RACGAP1: variants seen among roughly 807,000 people sequenced by gnomAD.
The protein encoded by RACGAP1 is Rac GTPase activating protein 1.
In RACGAP1, 30 loss-of-function variants were observed where a neutral mutation model predicts 78.1. That is an observed-to-expected ratio of 0.38 (90% confidence interval 0.29 to 0.52). The LOEUF (loss-of-function observed/expected upper bound fraction) is 0.52. RACGAP1 is among the 20% of genes least tolerant of loss of function. The probability of loss-of-function intolerance (pLI) is 0.82; values close to 1 mark genes in which losing one functional copy is unlikely to be tolerated. For missense variants in RACGAP1, 587 were observed against 777.1 expected (o/e 0.76, Z 2.91); for synonymous variants, 231 against 264.8 (o/e 0.87, Z 1.24).
intron 1 of RACGAP1, 104 bp downstream of exon 1, chr12:50,025,294 G>A: frequency 1.0e-6 from 1 of 985,112 alleles, no homozygotes; most frequent in Non-Finnish European, 1.2e-6. Context: ...CCGCTGTCCC[G>A]CTGTCCCGGA....
chr12:49,992,302 A>G lies in RACGAP1; in HGVS notation c.1521T>C (p.His507=), dbSNP rs779437064. 1.2e-6 allele frequency: 2 copies of G among 1,614,210 alleles called. No homozygotes were observed. The highest frequency in any genetic ancestry group is 1.7e-6 in the Non-Finnish European group (2 of 1,180,024). Residue 507 remains histidine, a synonymous_variant, in exon 14 of 17, where the codon CAT becomes CAC. Coordinates refer to ENST00000312377, the MANE Select transcript of RACGAP1 (RefSeq NM_001319999.2). Reference sequence around the variant, plus strand: ...TCACTGGGTCTGGATTGGGCACAGCATGGGCCACTATTGTAGGGCCAAAGA... The same window carrying G: ...TCACTGGGTCTGGATTGGGCACAGCGTGGGCCACTATTGTAGGGCCAAAGA... The part of the protein sequence containing the change: ...AKVFGPTIVA[H]AVPNPDPVTM...
chr12:50,019,432 A>G (rs1032120859), intron 1 of RACGAP1, among the ~76,000 whole-genome samples: 2 of 152,218 alleles, frequency 1.3e-5, no homozygotes, highest in African/African-American at 2.4e-5. Context: ...AAAAAAATTG[A>G]TAAGTGTTAA....
rs150860055 is a variant in RACGAP1, at chr12:50,001,251, C to T, written c.551G>A (p.Arg184His). 92 of 1,605,962 alleles carry T rather than the reference C, an allele frequency of 5.7e-5. No individual in the cohort carries two copies. In the African/African-American group the frequency reaches 1.0e-3, roughly 18 times the overall value. Reference protein sequence around the residue: ...TFKLKKREKRRSTSRQFVDGP... With the variant: ...TFKLKKREKRHSTSRQFVDGP... The stretch of plus-strand genomic sequence containing the variant: ...ATCAACAAACTGTCGGCTAGTAGAG[C>T]GCTAGAAAGGAGACAAAGACCCGTA... The change falls in exon 7 of 17, where the codon CGC becomes CAC. Residue 184 changes from arginine (R) to histidine (H), a missense_variant and splice_region_variant. Coordinates refer to ENST00000312377, the MANE Select transcript of RACGAP1 (RefSeq NM_001319999.2).
In RACGAP1 at chr12:49,998,360, C is replaced by T. The variant is rs1198388444; in HGVS notation, c.879+781G>A. On this transcript the variant is annotated intron_variant, in intron 9 of 16. Transcript: ENST00000312377. ...CAGAGGTTGCAGTGAGCCGAAATCG[C>T]ACCACTGCACTCCAGCCTGGGCAAC... 2.6e-5 allele frequency among the ~76,000 whole-genome samples: 4 copies of T among 151,840 alleles called. No individual in the cohort carries two copies. In the East Asian group the frequency reaches 7.8e-4, roughly 30 times the overall value.
intron 1 of RACGAP1, among the ~76,000 whole-genome samples, chr12:50,023,527 A>T (rs1043557102): frequency 6.6e-6 from 1 of 152,220 alleles, no homozygotes; most frequent in Non-Finnish European, 1.5e-5. Context: ...TGAGGCCAGA[A>T]GTTCAAGACC....
chr12:50,031,478 CAAAAAAAA>C (rs56229939), intron 2 of RACGAP1, among the ~76,000 whole-genome samples: 1 of 71,896 alleles, frequency 1.4e-5, no homozygotes, highest in African/African-American at 4.8e-5. Context: ...GACTCCATCT[CAAAAAAAA>C]AAAAAAAAAA....
In RACGAP1 at chr12:50,006,459, C is replaced by A; in HGVS notation, c.263G>T (p.Arg88Ile). 2 of 1,614,176 alleles carry A rather than the reference C, an allele frequency of 1.2e-6. No individual in the cohort carries two copies. The highest frequency in any genetic ancestry group is 1.7e-6 in the Non-Finnish European group (2 of 1,180,026). Residue 88 changes from arginine (R) to isoleucine (I), a missense_variant, in exon 3 of 17, where the codon AGA becomes ATA. Transcript: ENST00000312377. ...CAGCTTTTCGCAGTCAGCCTCAGCT[C>A]TCTGTCTCCGTTTGATCTCTACATC... is the stretch of plus-strand genomic sequence containing the variant. The part of the protein sequence containing the change: ...QVDVEIKRRQ[R>I]AEADCEKLER...
At chr12:50,025,583 G>A (rs989592626), upstream of RACGAP1, 25 of 975,806 alleles carry the variant, frequency 2.6e-5, no homozygotes, top group African/African-American at 2.5e-4. Flanking sequence ...GGAGGTGACG[G>A]GAACGGGAAT....
upstream of RACGAP1, among the ~76,000 whole-genome samples, chr12:50,026,133 A>G (rs911150262): frequency 2.0e-5 from 3 of 152,266 alleles, no homozygotes; most frequent in African/African-American, 7.2e-5. Context: ...AGGAGCTTTC[A>G]TGCTTTTTAA....
upstream of RACGAP1, among the ~76,000 whole-genome samples, chr12:50,027,934 G>A (rs1321898422): frequency 1.3e-5 from 2 of 152,184 alleles, no homozygotes; most frequent in Admixed American, 6.6e-5. Context: ...GGTTAAGTGA[G>A]TGTGATGCTT....
chr12:50,009,242 C>CAAAAAA (rs397751749), intron 2 of RACGAP1, among the ~76,000 whole-genome samples: 5 of 65,256 alleles, frequency 7.7e-5, no homozygotes, highest in African/African-American at 1.5e-4. Flanking sequence ...GATGCTGTCT[C>CAAAAAA]AAAAAAAAAA....
At chr12:50,000,447 G>A (rs753405378) in intron 7 of RACGAP1, among the ~76,000 whole-genome samples, 25 of 151,894 alleles carry the variant, frequency 1.6e-4, no homozygotes, top group African/African-American at 5.3e-4. Flanking sequence ...GAGCCACCAC[G>A]CCTGACCTGA....
chr12:50,003,250 T>A (rs1264005306), intron 5 of RACGAP1, among the ~76,000 whole-genome samples: 3 of 152,190 alleles, frequency 2.0e-5, no homozygotes, highest in Non-Finnish European at 4.4e-5. Context: ...GCTAAATAAA[T>A]TTAACTTCCC....
chr12:50,003,551 A>T (rs567340249), intron 5 of RACGAP1, among the ~76,000 whole-genome samples: 1 of 152,314 alleles, frequency 6.6e-6, no homozygotes, highest in South Asian at 2.1e-4. Context: ...AGTCACCAAA[A>T]ACTTCCTGAT....
In RACGAP1 at chr12:50,025,404, C is replaced by A. The variant is rs1037184367; in HGVS notation, c.-11G>T. On this transcript the variant is annotated 5_prime_UTR_variant, in exon 1 of 17. Coordinates refer to ENST00000312377, the MANE Select transcript of RACGAP1 (RefSeq NM_001319999.2). Reference sequence around the variant, plus strand: ...TGGCACCCCCACTACTCACTTCAGTCAGCCTGGCCCCACCTGGGCCACCCT... The same window carrying A: ...TGGCACCCCCACTACTCACTTCAGTAAGCCTGGCCCCACCTGGGCCACCCT... 5.1e-6 allele frequency: 5 copies of A among 985,606 alleles called. No individual in the cohort carries two copies. In the African/African-American group the frequency reaches 7.0e-5, roughly 14 times the overall value. The allele number at this position is 985,606 out of a possible 1,614,324, so 61.1% of individuals were successfully genotyped here.
chr12:50,024,750 A>G lies in RACGAP1; in HGVS notation c.-5+648T>C, dbSNP rs1276626336. On this transcript the variant is annotated intron_variant, in intron 1 of 16. Coordinates refer to ENST00000312377, the MANE Select transcript of RACGAP1 (RefSeq NM_001319999.2). ...CTCTAAACACCTACAATAACTCGGA[A>G]AGCTTATTTACCCGACACATTAGAA... Among the ~76,000 whole-genome samples, 3 of 152,024 alleles carry G rather than the reference A, an allele frequency of 2.0e-5. No homozygotes were observed. The East Asian group carries it at 5.8e-4, about 29-fold the overall frequency.
intron 1 of RACGAP1, among the ~76,000 whole-genome samples, chr12:50,019,556 G>C (rs1949882508): frequency 2.0e-5 from 3 of 152,104 alleles, no homozygotes. Context: ...AAAAGCGGGA[G>C]AGGGAGCAGA....
At chr12:49,995,496 AT>A (rs111917291) in intron 10 of RACGAP1, among the ~76,000 whole-genome samples, 320 of 145,642 alleles carry the variant, frequency 2.2e-3, no homozygotes, top group Admixed American at 1.9e-3. Context: ...TTACATAATA[AT>A]TTTTTTTTTT....
At chr12:50,022,128 A>G (rs1338413940) in intron 1 of RACGAP1, among the ~76,000 whole-genome samples, 1 of 152,192 alleles carries the variant, frequency 6.6e-6, no homozygotes, top group Non-Finnish European at 1.5e-5. Context: ...AATTCTTCCT[A>G]TTCTGGTCTT....
Sources: allele counts gnomAD v4.1 joint callset (sites outside exome capture counted in the v4.1 genomes callset), GRCh38; gene constraint gnomAD v4.1.1; transcripts MANE v1.5; gene names NCBI Gene and HGNC (gene_info 2026-07-23, HGNC 2026-07-21).